Variants in OSBPL7 observed in about 807,000 individuals in gnomAD.
The protein encoded by OSBPL7 is oxysterol binding protein like 7, also known as oxysterol-binding protein-related protein 7.
In OSBPL7, 66 loss-of-function variants were observed where a neutral mutation model predicts 115.8. That is an observed-to-expected ratio of 0.57 (90% CI 0.47 to 0.70). The LOEUF (loss-of-function observed/expected upper bound fraction) is 0.70. Among genes scored for constraint, OSBPL7 ranks in the 30% least tolerant of loss-of-function variants. The probability of loss-of-function intolerance (pLI) is 0.00; values close to 1 mark genes in which losing one functional copy is unlikely to be tolerated. For synonymous variants in OSBPL7, 441 were observed against 439.2 expected (o/e 1.00, Z -0.05); for missense variants, 902 against 1,125.5 (o/e 0.80, Z 2.84).
chr17:47,813,933 C>A (rs2033132092), intron 14 of OSBPL7, 99 bp from the exon 15 acceptor site: 1 of 1,437,790 alleles, frequency 7.0e-7, no homozygotes, highest in Non-Finnish European at 9.2e-7. Flanking sequence ...CTCCCAAGCC[C>A]CTGGGACATT....
intron 18 of OSBPL7, 50 bp downstream of exon 18, chr17:47,810,544 G>A (rs1476594419): frequency 6.5e-7 from 1 of 1,541,104 alleles, no homozygotes; most frequent in Admixed American, 1.7e-5. Context: ...CCTCCAGCCT[G>A]AAGGATTGCC....
chr17:47,810,784 C>T lies in OSBPL7; in HGVS notation c.1789G>A (p.Ala597Thr), dbSNP rs377046341. The change falls in exon 17 of 23, where the codon GCC becomes ACC. Residue 597 changes from alanine to threonine, a missense_variant. By Grantham distance (58) the Ala-to-Thr change is moderately conservative. This residue lies in a region of OSBPL7 where 5 missense variants were observed against 24.0 expected (regional missense o/e 0.21). Coordinates refer to ENST00000007414, the MANE Select transcript of OSBPL7 (RefSeq NM_145798.3). Reference protein sequence around the residue: ...SACHAESENFAFWQDMKWKNK... With the variant: ...SACHAESENFTFWQDMKWKNK... Reference sequence around the variant, plus strand: ...CTCTACTCCTCACCTTGCCAGAAGGCGAAGTTCTCAGACTCTGCATGGCAG... The same window carrying T: ...CTCTACTCCTCACCTTGCCAGAAGGTGAAGTTCTCAGACTCTGCATGGCAG... 24 of 1,613,866 alleles carry T rather than the reference C, an allele frequency of 1.5e-5. No individual in the cohort carries two copies. Among genetic ancestry groups the T allele is most frequent in the Admixed American group, 3.3e-5 (2 of 59,990 alleles).
At chr17:47,820,603 A>G (rs2033368899) in intron 1 of OSBPL7, 1 of 279,484 alleles carries the variant, frequency 3.6e-6, no homozygotes, top group Non-Finnish European at 6.8e-6. Context: ...ACCACAAGAC[A>G]TATGCCCAGC....
intron 18 of OSBPL7, among the ~76,000 whole-genome samples, chr17:47,809,812 C>T (rs2032980465): frequency 6.6e-6 from 1 of 152,154 alleles, no homozygotes; most frequent in African/African-American, 2.4e-5. Context: ...TTGGGTATTA[C>T]TTCTTACTGT....
chr17:47,816,348 C>T lies in OSBPL7; in HGVS notation c.1023+40G>A, dbSNP rs1216140250. ...CAGGCTGGCAGTCCTCAGCTTGAAG[C>T]CCTCTCCCCGCACCAGTCACCCTGT... On this transcript the variant is annotated intron_variant, in intron 11 of 22. Transcript: ENST00000007414. This position sits in a 1 kb window ranked among gnomAD's most constrained non-coding sequence, Gnocchi z 5.8. The T allele has an allele frequency of 8.1e-6, 12 of 1,487,316 alleles. No individual in the cohort carries two copies. The Admixed American group carries it at 1.6e-4, about 20-fold the overall frequency. The allele number at this position is 1,487,316 out of a possible 1,614,324, so 92.1% of individuals were successfully genotyped here.
At position 47,816,458 on chromosome 17, in the gene OSBPL7, A is replaced by C; in HGVS notation, c.953T>G (p.Leu318Arg). The C allele has an allele frequency of 6.5e-7, 1 of 1,546,662 alleles. No homozygotes were observed. The highest frequency in any genetic ancestry group is 8.7e-7 in the Non-Finnish European group (1 of 1,144,558). The stretch of plus-strand genomic sequence containing the variant: ...GTCCCGTTCCATGGTGAGGGCGGCC[A>C]GGACGCTGCTGAGGGAGCTGTGCAC... ...QKVHSSLSSV[L>R]AALTMERDQL... Residue 318 changes from leucine (L) to arginine (R), a missense_variant, in exon 11 of 23, where the codon CTG becomes CGG. This residue lies in a region of OSBPL7 where 667 missense variants were observed against 788.7 expected (regional missense o/e 0.85). Coordinates refer to ENST00000007414, the MANE Select transcript of OSBPL7 (RefSeq NM_145798.3). This position sits in a 1 kb window ranked among gnomAD's most constrained non-coding sequence, Gnocchi z 5.8.
At chr17:47,814,935 C>G in intron 13 of OSBPL7, 1 of 556,180 alleles carries the variant, frequency 1.8e-6, no homozygotes, top group South Asian at 2.4e-5. Flanking sequence ...AGTGCTGAAG[C>G]TGAGACAGGG....
chr17:47,814,611 A>G lies in OSBPL7; in HGVS notation c.1261T>C (p.Ser421Pro), dbSNP rs1360567298. 2 of 1,613,810 alleles carry G rather than the reference A, an allele frequency of 1.2e-6. No homozygotes were observed. The highest frequency in any genetic ancestry group is 1.7e-6 in the Non-Finnish European group (2 of 1,179,938). Residue 421 changes from serine (S) to proline (P), a missense_variant, in exon 14 of 23, where the codon TCA becomes CCA. By Grantham distance (74) the Ser-to-Pro change is moderately conservative. Around this residue, in one of 3 missense-constraint regions of OSBPL7, gnomAD observed 667 missense variants for 788.7 expected, o/e 0.85. Coordinates refer to ENST00000007414, the MANE Select transcript of OSBPL7 (RefSeq NM_145798.3). ...LSASSSENEGSEEEESCTSEI... is the reference protein window; with the variant it reads ...LSASSSENEGPEEEESCTSEI... The stretch of plus-strand genomic sequence containing the variant: ...CTGGTACAGGACTCCTCCTCCTCTG[A>G]GCCCTGGGCCAGGACAGATGACAGG...
chr17:47,819,276 C>A, intron 4 of OSBPL7, 177 bp from the exon 5 acceptor site: 1 of 595,104 alleles, frequency 1.7e-6, no homozygotes. Context: ...GCAGAACGCT[C>A]CCCTACGTCA....
chr17:47,813,833 C>A lies in OSBPL7; in HGVS notation c.1353G>T (p.Gly451=). ...DLRGAERCQK[G]GCVPGRPMGP... ...CCATGGGTCTCCCTGGAACACACCC[C>A]CCTGGGGCCGCCCTGCCATGTCACT... Residue 451 remains glycine (G), a splice_region_variant and synonymous_variant, in exon 15 of 23, where the codon GGG becomes GGT. Transcript: ENST00000007414. 1 of 1,606,028 alleles carries A rather than the reference C, an allele frequency of 6.2e-7. No homozygotes were observed. Among genetic ancestry groups the A allele is most frequent in the South Asian group, 1.1e-5 (1 of 90,614 alleles).
At chr17:47,810,723 G>C in intron 17 of OSBPL7, 49 bp downstream of exon 17, 2 of 1,612,846 alleles carry the variant, frequency 1.2e-6, no homozygotes, top group East Asian at 4.5e-5. Context: ...AAGGCCAGAG[G>C]GTGTTCCCTT....
intron 18 of OSBPL7, among the ~76,000 whole-genome samples, chr17:47,810,353 C>A (rs1395553204): frequency 6.6e-6 from 1 of 152,154 alleles, no homozygotes; most frequent in Non-Finnish European, 1.5e-5. Context: ...GTGTGAAAAC[C>A]GCTGAGTCAG....
At chr17:47,818,669 C>T in intron 5 of OSBPL7, 53 bp from the exon 6 acceptor site, 1 of 1,472,874 alleles carries the variant, frequency 6.8e-7, no homozygotes, top group Non-Finnish European at 9.4e-7. Context: ...GACCACTTTC[C>T]AAGAGCAAGA....
At chr17:47,813,177 T>C in intron 16 of OSBPL7, 89 bp downstream of exon 16, 1 of 1,547,048 alleles carries the variant, frequency 6.5e-7, no homozygotes, top group Non-Finnish European at 8.7e-7. Flanking sequence ...TCCCAGGCCC[T>C]GGTCCCTCTG....
rs370591009 is a variant in OSBPL7 at position 47,814,631 on chromosome 17, G to C, written c.1258-17C>G. 50 of 1,612,096 alleles carry C rather than the reference G, an allele frequency of 3.1e-5. No individual in the cohort carries two copies. Among genetic ancestry groups the C allele is most frequent in the Non-Finnish European group, 4.2e-5 (50 of 1,178,590 alleles). On this transcript the variant is annotated splice_polypyrimidine_tract_variant and intron_variant, in intron 13 of 22. Coordinates refer to ENST00000007414, the MANE Select transcript of OSBPL7 (RefSeq NM_145798.3). ...CTCTGAGCCCTGGGCCAGGACAGAT[G>C]ACAGGCCGGGCAGACTGGGCCTCCC... is the stretch of plus-strand genomic sequence containing the variant.
Position 47,808,295 on chromosome 17 carries a change from C to A in OSBPL7, c.2525G>T (p.Trp842Leu). 1.9e-6 allele frequency: 3 copies of A among 1,611,248 alleles called. No homozygotes were observed. The highest frequency in any genetic ancestry group is 1.3e-5 in the African/African-American group (1 of 74,976). ...CTCCTGCCCCCGGGGCCAGGGCTAC[C>A]AGAGCACGGCCCCATCCATGTTCCC... ...GYGNMDGAVL[W>L] Residue 842 changes from tryptophan to leucine, a missense_variant, in exon 23 of 23, where the codon TGG becomes TTG. Physicochemically the swap from Trp to Leu is moderately conservative, Grantham distance 61. Transcript: ENST00000007414. This position sits in a 1 kb window ranked among gnomAD's most constrained non-coding sequence, Gnocchi z 6.1.
rs761305118 is a variant in OSBPL7 at position 47,809,015 on chromosome 17, CA to C, written c.2171-26del. 3.1e-6 allele frequency: 5 copies of C among 1,613,654 alleles called. No individual in the cohort carries two copies. The African/African-American group carries it at 5.3e-5, about 17-fold the overall frequency. The stretch of plus-strand genomic sequence containing the variant: ...TCTGGGGGAAGGCAAGGGGCTGGGG[CA>C]GGTGCACCATGCCTGAGCTGCTCCA... On this transcript the variant is annotated intron_variant, in intron 20 of 22. Transcript: ENST00000007414.
intron 16 of OSBPL7, among the ~76,000 whole-genome samples, chr17:47,812,014 C>G (rs2033058357): frequency 6.6e-6 from 1 of 151,894 alleles, no homozygotes; most frequent in East Asian, 1.9e-4. Context: ...CAATCTTCAC[C>G]ATGTTTCCAA....
intron 16 of OSBPL7, 33 bp from the exon 17 acceptor site, chr17:47,810,868 C>G: frequency 6.2e-7 from 1 of 1,603,978 alleles, no homozygotes; most frequent in Non-Finnish European, 8.5e-7. Flanking sequence ...TTGAGGCTGT[C>G]CCCGAGCACC....
Sources: allele counts gnomAD v4.1 joint callset (sites outside exome capture counted in the v4.1 genomes callset), GRCh38; gene constraint gnomAD v4.1.1; regional missense constraint gnomAD v4.1.1; non-coding constraint Gnocchi (gnomAD v3.1); transcripts MANE v1.5; gene names NCBI Gene and HGNC (gene_info 2026-07-23, HGNC 2026-07-21).